PDE10A: variants seen among roughly 807,000 people sequenced by gnomAD.
PDE10A encodes phosphodiesterase 10A, also known as cAMP and cAMP-inhibited cGMP 3',5'-cyclic phosphodiesterase 10A.
Under a neutral mutation model 97.7 loss-of-function variants are expected in PDE10A, and 39 were observed. The observed-to-expected ratio is 0.40, with a 90% CI of 0.31 to 0.52. The LOEUF (loss-of-function observed/expected upper bound fraction) is 0.52, where lower values mean the gene tolerates loss of function less well. Ranked by LOEUF, PDE10A falls within the 20% of genes least tolerant of loss-of-function variation. PDE10A has a pLI of 0.56. For missense variants in PDE10A, 731 were observed against 1,047.8 expected, an observed-to-expected ratio of 0.70 and a Z score of 4.17; for synonymous variants, 371 against 376.8, an observed-to-expected ratio of 0.98 and a Z score of 0.18.
rs561828981 is a variant in PDE10A at position 165,899,423 on chromosome 6, C to T, written c.-615+88106G>A. On this transcript the variant is annotated intron_variant, in intron 1 of 19. Coordinates refer to the PDE10A transcript ENST00000366882. ...TTTTCACATATTCCATGAATATTGA[C>T]TGAGAGTCACTGGGCCAGAGGATGG... is the stretch of plus-strand genomic sequence containing the variant. Among the ~76,000 whole-genome samples the T allele has an allele frequency of 3.3e-5, 5 of 152,348 alleles. No individual in the cohort carries two copies. In the South Asian group the frequency reaches 8.3e-4, roughly 25 times the overall value.
intron 2 of PDE10A, among the ~76,000 whole-genome samples, chr6:165,485,759 A>G (rs1004054708): frequency 6.6e-6 from 1 of 151,728 alleles, no homozygotes; most frequent in Non-Finnish European, 1.5e-5. Flanking sequence ...TGCCTGACTA[A>G]TTTTTTGTAT....
At chr6:165,547,502 T>C (rs1783796652) in intron 1 of PDE10A, among the ~76,000 whole-genome samples, 2 of 147,316 alleles carry the variant, frequency 1.4e-5, no homozygotes, top group South Asian at 2.1e-4. Flanking sequence ...GTGGTTAGAT[T>C]TAACACTGGT....
At position 165,422,315 on chromosome 6, in the gene PDE10A, G is replaced by A. The variant is rs563571213; in HGVS notation, c.1654-3538C>T. 6.2e-5 allele frequency among the ~76,000 whole-genome samples: 7 copies of A among 112,180 alleles called. No individual in the cohort carries two copies. In the East Asian group the frequency reaches 8.0e-4, roughly 13 times the overall value. The allele number at this position is 112,180 out of a possible 152,430, so 73.6% of individuals were successfully genotyped here. ...TACACACATACGCATACACACATACGCATATACACACACAGGCATACACAC... is the reference window on the plus strand; with the variant it reads ...TACACACATACGCATACACACATACACATATACACACACAGGCATACACAC... On this transcript the variant is annotated intron_variant, in intron 10 of 21. Coordinates refer to ENST00000539869, the MANE Select transcript of PDE10A (RefSeq NM_001385079.1).
chr6:165,920,543 TAC>T lies in PDE10A; in HGVS notation c.-615+66984_-615+66985del, dbSNP rs55746374. On this transcript the variant is annotated intron_variant, in intron 1 of 19. Transcript: ENST00000366882. ...GATGCTTATCTTCTAAGACTGGGCT[TAC>T]ACACACACACACACACACACACACT... is the stretch of plus-strand genomic sequence containing the variant. 5.6e-3 allele frequency among the ~76,000 whole-genome samples: 828 copies of T among 148,826 alleles called. 3 individuals are homozygous for T. The highest frequency in any genetic ancestry group is 6.5e-3 in the African/African-American group (265 of 40,850).
At chr6:165,897,483 C>T (rs1000516415) in intron 1 of PDE10A, among the ~76,000 whole-genome samples, 15 of 152,008 alleles carry the variant, frequency 9.9e-5, no homozygotes, top group African/African-American at 3.1e-4. Context: ...TGCAGGTGCC[C>T]CCAGGGAGTG....
intron 1 of PDE10A, among the ~76,000 whole-genome samples, chr6:165,930,838 C>T (rs915262182): frequency 1.3e-5 from 2 of 152,190 alleles, no homozygotes; most frequent in Admixed American, 6.5e-5. Context: ...CTCACTGACA[C>T]GAGGGGAGCT....
At chr6:165,853,607 A>AT (rs1780632693) in intron 1 of PDE10A, among the ~76,000 whole-genome samples, 1 of 152,188 alleles carries the variant, frequency 6.6e-6, no homozygotes, top group African/African-American at 2.4e-5. Flanking sequence ...CCACTAATTC[A>AT]TTTTACAGTG....
At chr6:165,965,656 G>C (rs1464724155) in intron 1 of PDE10A, among the ~76,000 whole-genome samples, 2 of 152,178 alleles carry the variant, frequency 1.3e-5, no homozygotes. Context: ...AAATTCAATA[G>C]TGGCTTTGGG....
chr6:165,656,108 A>G (rs531461165), intron 1 of PDE10A, among the ~76,000 whole-genome samples: 2 of 152,004 alleles, frequency 1.3e-5, no homozygotes, highest in South Asian at 4.2e-4. Flanking sequence ...GAGTGTGGGC[A>G]CCATACAAGC....
rs1562457289 is a variant in PDE10A at position 165,428,642 on chromosome 6, A to G, written c.1653+16T>C. On this transcript the variant is annotated intron_variant, in intron 10 of 21. Coordinates refer to ENST00000539869, the MANE Select transcript of PDE10A (RefSeq NM_001385079.1). The stretch of plus-strand genomic sequence containing the variant: ...AAGGGTTAAACAGAATCATACTCAG[A>G]ACAAAAACAACCTACCATTATGTGT... The G allele has an allele frequency of 8.4e-7, 1 of 1,188,578 alleles. No individual in the cohort carries two copies. The highest frequency in any genetic ancestry group is 1.8e-5 in the Admixed American group (1 of 54,054). The allele number at this position is 1,188,578 out of a possible 1,614,324, so 73.6% of individuals were successfully genotyped here. A position where few individuals can be genotyped will look rare whatever the true frequency, so the allele number is the denominator to read the frequency against.
chr6:165,394,785 T>C (rs185276665), intron 15 of PDE10A, among the ~76,000 whole-genome samples: 3 of 152,314 alleles, frequency 2.0e-5, no homozygotes, highest in Non-Finnish European at 2.9e-5. Context: ...TGGTGTCTCA[T>C]TGTGGTTTTG....
intron 1 of PDE10A, among the ~76,000 whole-genome samples, chr6:165,729,071 A>G (rs1792363514): frequency 6.6e-6 from 1 of 152,022 alleles, no homozygotes; most frequent in Non-Finnish European, 1.5e-5. Flanking sequence ...GAGTGGTGAC[A>G]TATTCCTGTG....
intron 3 of PDE10A, among the ~76,000 whole-genome samples, chr6:165,459,361 A>G (rs1325188174): frequency 6.6e-6 from 1 of 152,082 alleles, no homozygotes; most frequent in Admixed American, 6.6e-5. Context: ...CCTTTTTGTC[A>G]CATACTTTGC....
intron 1 of PDE10A, among the ~76,000 whole-genome samples, chr6:165,658,374 T>A (rs1472012157): frequency 6.6e-6 from 1 of 152,094 alleles, no homozygotes; most frequent in Non-Finnish European, 1.5e-5. Context: ...GCATTCACCA[T>A]TTTTTTTCCC....
At chr6:165,932,189 T>C (rs1783157204) in intron 1 of PDE10A, among the ~76,000 whole-genome samples, 1 of 152,194 alleles carries the variant, frequency 6.6e-6, no homozygotes, top group Non-Finnish European at 1.5e-5. Flanking sequence ...TGGTGGAGAC[T>C]CATGAGAAAT....
chr6:165,949,863 G>A (rs991138737), intron 1 of PDE10A: 5 of 152,156 alleles, frequency 3.3e-5, no homozygotes, highest in Non-Finnish European at 7.3e-5. Flanking sequence ...TATCGCATGA[G>A]TTTCAATATA....
chr6:165,923,454 A>T (rs1353197371), intron 1 of PDE10A, among the ~76,000 whole-genome samples: 6 of 152,262 alleles, frequency 3.9e-5, no homozygotes, highest in African/African-American at 1.4e-4. Flanking sequence ...ATATGTAGAT[A>T]CATTGGCTCA....
intron 3 of PDE10A, among the ~76,000 whole-genome samples, chr6:165,451,874 A>G (rs960193699): frequency 2.6e-5 from 4 of 152,230 alleles, no homozygotes; most frequent in Admixed American, 6.5e-5. Context: ...AGGTTTTTAT[A>G]TGAGAGCACC....
chr6:165,572,809 C>T (rs114186272), intron 1 of PDE10A, among the ~76,000 whole-genome samples: 126 of 152,288 alleles, frequency 8.3e-4, no homozygotes, highest in African/African-American at 2.9e-3. Context: ...TGCACTCCAG[C>T]GTGGGCGACA....
Sources: allele counts gnomAD v4.1 joint callset (sites outside exome capture counted in the v4.1 genomes callset), GRCh38; gene constraint gnomAD v4.1.1; transcripts MANE v1.5; gene names NCBI Gene and HGNC (gene_info 2026-07-23, HGNC 2026-07-21).